The following TANC2 variants were observed in gnomAD, a reference collection of about 807,000 sequenced individuals.
TANC2 encodes tetratricopeptide repeat, ankyrin repeat and coiled-coil containing 2.
Under a neutral mutation model 210.5 loss-of-function variants are expected in TANC2, and 26 were observed. That is an observed-to-expected ratio of 0.12 (90% CI 0.09 to 0.17). TANC2 has a LOEUF of 0.17. Among genes scored for constraint, TANC2 ranks in the 10% least tolerant of loss-of-function variants. The pLI, the probability that TANC2 is intolerant of heterozygous loss-of-function variation, is 1.00. For missense variants in TANC2, 2,129 were observed against 2,608.9 expected, an observed-to-expected ratio of 0.82 and a Z score of 4.01; for synonymous variants, 931 against 967.1, an observed-to-expected ratio of 0.96 and a Z score of 0.69.
At chr17:63,238,114 T>G in intron 8 of TANC2, 37 bp downstream of exon 8, 1 of 1,499,930 alleles carries the variant, frequency 6.7e-7, no homozygotes, top group Non-Finnish European at 8.9e-7. Flanking sequence ...TTGCTGTTGT[T>G]AAATAATCAT....
At chr17:63,012,672 G>T (rs2033924425) in intron 2 of TANC2, among the ~76,000 whole-genome samples, 1 of 152,018 alleles carries the variant, frequency 6.6e-6, no homozygotes, top group African/African-American at 2.4e-5. Context: ...TATTTTTAGA[G>T]ACAGGGTTTT....
At chr17:63,410,508 T>C (rs564842648) in intron 21 of TANC2, among the ~76,000 whole-genome samples, 1 of 152,248 alleles carries the variant, frequency 6.6e-6, no homozygotes, top group South Asian at 2.1e-4. Flanking sequence ...TCGTGATCAA[T>C]GACAAACATG....
At chr17:63,145,733 C>G (rs1252233953) in intron 4 of TANC2, among the ~76,000 whole-genome samples, 3 of 152,078 alleles carry the variant, frequency 2.0e-5, no homozygotes, top group African/African-American at 7.2e-5. Flanking sequence ...TTCTGGCCAG[C>G]CTTTTCTATT....
chr17:63,214,195 T>C (rs1225560269), intron 7 of TANC2, among the ~76,000 whole-genome samples: 4 of 152,192 alleles, frequency 2.6e-5, no homozygotes, highest in Non-Finnish European at 4.4e-5. Flanking sequence ...CTATATCTTA[T>C]GTCTCAGTGA....
At position 63,276,549 on chromosome 17, in the gene TANC2, T is replaced by G. The variant is rs1279825987; in HGVS notation, c.1159+8676T>G. Among the ~76,000 whole-genome samples, 3 of 151,888 alleles carry G rather than the reference T, an allele frequency of 2.0e-5. No individual in the cohort carries two copies. In the East Asian group the frequency reaches 5.8e-4, roughly 29 times the overall value. ...AGATCTTTGTTCTCTTTCTGAAAATTCCACTCAGCAGTGACTGCAGATTTT... is the reference window on the plus strand; with the variant it reads ...AGATCTTTGTTCTCTTTCTGAAAATGCCACTCAGCAGTGACTGCAGATTTT... On this transcript the variant is annotated intron_variant, in intron 9 of 27. Coordinates refer to ENST00000689528, the Ensembl canonical transcript of TANC2.
At chr17:63,319,140 A>C in intron 11 of TANC2, 50 bp downstream of exon 11, 2 of 1,562,978 alleles carry the variant, frequency 1.3e-6, no homozygotes, top group Non-Finnish European at 1.7e-6. Context: ...TTTTAATATC[A>C]AGGAAGCAAA....
chr17:63,218,015 T>C (rs2042068507), intron 7 of TANC2, among the ~76,000 whole-genome samples: 1 of 151,756 alleles, frequency 6.6e-6, no homozygotes, highest in Admixed American at 6.6e-5. Context: ...TTAGGCACGG[T>C]GGCTCACGCC....
chr17:63,138,940 G>T (rs1184256406), intron 4 of TANC2, among the ~76,000 whole-genome samples: 1 of 152,188 alleles, frequency 6.6e-6, no homozygotes, highest in Non-Finnish European at 1.5e-5. Context: ...GATTCAGTCT[G>T]TGCTTCCTCT....
At chr17:63,123,314 T>C (rs1286064266) in intron 4 of TANC2, among the ~76,000 whole-genome samples, 1 of 152,006 alleles carries the variant, frequency 6.6e-6, no homozygotes, top group African/African-American at 2.4e-5. Flanking sequence ...TCCCAGCACT[T>C]TGGGAGGCTG....
chr17:63,260,317 T>C (rs1312250307), intron 8 of TANC2, among the ~76,000 whole-genome samples: 1 of 152,232 alleles, frequency 6.6e-6, no homozygotes, highest in African/African-American at 2.4e-5. Flanking sequence ...GTAAGTATTT[T>C]AGGCTTTGCA....
intron 9 of TANC2, among the ~76,000 whole-genome samples, chr17:63,284,408 T>A (rs547249044): frequency 1.3e-5 from 2 of 152,148 alleles, no homozygotes; most frequent in Admixed American, 1.3e-4. Context: ...TTGATGTCTT[T>A]GTCTGGTTTT....
intron 4 of TANC2, among the ~76,000 whole-genome samples, chr17:63,100,465 A>G (rs568084848): frequency 4.6e-5 from 7 of 152,290 alleles, no homozygotes; most frequent in Non-Finnish European, 7.4e-5. Context: ...AATAGGTAAA[A>G]TAGCCTAAAA....
chr17:63,214,121 T>C (rs1340717236), intron 7 of TANC2, among the ~76,000 whole-genome samples: 1 of 152,232 alleles, frequency 6.6e-6, no homozygotes, highest in Non-Finnish European at 1.5e-5. Flanking sequence ...CCTTCCTGTA[T>C]TGGTCACAGC....
chr17:63,112,660 A>G (rs1272620899), intron 4 of TANC2, among the ~76,000 whole-genome samples: 2 of 152,222 alleles, frequency 1.3e-5, no homozygotes, highest in East Asian at 1.9e-4. Context: ...CAGTGAAGAT[A>G]ATAACACCTT....
chr17:63,258,763 A>C (rs1415870096), intron 8 of TANC2, among the ~76,000 whole-genome samples: 1 of 152,164 alleles, frequency 6.6e-6, no homozygotes, highest in Non-Finnish European at 1.5e-5. Context: ...AGGCAGGTCC[A>C]GAAATGCCAT....
Position 63,314,673 on chromosome 17 carries a change from C to T in TANC2, c.1441+4C>T, listed in dbSNP as rs979117644. The T allele has an allele frequency of 1.1e-5, 17 of 1,609,872 alleles. No individual in the cohort carries two copies. In the Admixed American group the frequency reaches 1.2e-4, roughly 11 times the overall value. ...AGCCCACATGCCTCCCCCAAACGTA[C>T]GTATTCCTTTTTAAAGAACTCCCTG... On this transcript the variant is annotated splice_donor_region_variant and intron_variant, in intron 10 of 27. Coordinates refer to ENST00000689528, the Ensembl canonical transcript of TANC2.
exon 13 of TANC2, chr17:63,351,350 G>C: frequency 6.2e-7 from 1 of 1,610,738 alleles, no homozygotes; most frequent in Non-Finnish European, 8.5e-7. Context: ...TATCGTTTCT[G>C]AGTAAAATGA....
At chr17:63,100,578 G>T (rs570675680) in intron 4 of TANC2, among the ~76,000 whole-genome samples, 1 of 152,018 alleles carries the variant, frequency 6.6e-6, no homozygotes, top group Non-Finnish European at 1.5e-5. Flanking sequence ...AATTCTCCCT[G>T]TTTTACAGTC....
chr17:63,248,005 A>AT (rs758431442), intron 8 of TANC2, among the ~76,000 whole-genome samples: 69 of 152,028 alleles, frequency 4.5e-4, no homozygotes, highest in Non-Finnish European at 8.2e-4. Context: ...TAGATTGAAA[A>AT]TTTTTCCAGA....
Sources: allele counts gnomAD v4.1 joint callset (sites outside exome capture counted in the v4.1 genomes callset), GRCh38; gene constraint gnomAD v4.1.1; transcripts MANE v1.5; gene names NCBI Gene and HGNC (gene_info 2026-07-23, HGNC 2026-07-21).